The following PFKL variants were observed in gnomAD, a reference collection of about 807,000 sequenced individuals.
The protein encoded by PFKL is ATP-dependent 6-phosphofructokinase, liver type.
Under a neutral mutation model 92.1 loss-of-function variants are expected in PFKL, and 74 were observed. The ratio of observed to expected loss-of-function variants is 0.80; its 90% confidence interval spans 0.67 to 0.97. The LOEUF is 0.97. Ranked by LOEUF, PFKL falls within the 50% of genes least tolerant of loss-of-function variation. The pLI is 0.00. For synonymous variants in PFKL, 494 were observed against 456.4 expected, an observed-to-expected ratio of 1.08 and a Z score of -1.05; for missense variants, 1,028 against 1,116.6, an observed-to-expected ratio of 0.92 and a Z score of 1.13.
chr21:44,324,751 A>C, intron 17 of PFKL, 96 bp downstream of exon 17: 1 of 1,566,668 alleles, frequency 6.4e-7, no homozygotes. Flanking sequence ...GGGCCCGGGC[A>C]GGTGGGACGC....
At chr21:44,305,755 C>T in intron 1 of PFKL, 1 of 1,360,670 alleles carries the variant, frequency 7.3e-7, no homozygotes. Flanking sequence ...ACATTAGCAC[C>T]AGCGTTTCCT....
In PFKL at chr21:44,322,281, G is replaced by A. The variant is rs1389030696; in HGVS notation, c.1409+78G>A. On this transcript the variant is annotated intron_variant, in intron 14 of 21. Coordinates refer to ENST00000349048, the MANE Select transcript of PFKL (RefSeq NM_002626.6). The stretch of plus-strand genomic sequence containing the variant: ...CAGGCCCTGCAGGTGGGGGCGGCAA[G>A]GGGAACCCAGCCCGGGGCCCTGGGC... 8.7e-6 allele frequency: 12 copies of A among 1,385,644 alleles called. No homozygotes were observed. In the Admixed American group the frequency reaches 1.7e-4, roughly 20 times the overall value. The allele number at this position is 1,385,644 out of a possible 1,614,324, so 85.8% of individuals were successfully genotyped here.
chr21:44,314,130 A>G, intron 7 of PFKL, 109 bp downstream of exon 7: 2 of 747,924 alleles, frequency 2.7e-6, no homozygotes, highest in Non-Finnish European at 4.5e-6. Flanking sequence ...TCATGGGTTC[A>G]TCAGCAGCTG....
chr21:44,324,325 G>A, intron 16 of PFKL, 166 bp from the exon 17 acceptor site: 1 of 675,076 alleles, frequency 1.5e-6, no homozygotes, highest in East Asian at 2.7e-5. Context: ...CTGGTCCTGT[G>A]GGGCCCAGGT....
chr21:44,301,818 C>A (rs2071867257), intron 1 of PFKL, among the ~76,000 whole-genome samples: 1 of 152,192 alleles, frequency 6.6e-6, no homozygotes, highest in Admixed American at 6.5e-5. Context: ...AAAGTGGGAG[C>A]ATCAGCAGTG....
At chr21:44,321,649 G>C (rs1020879484) in intron 12 of PFKL, 80 bp from the exon 13 acceptor site, 54 of 1,414,734 alleles carry the variant, frequency 3.8e-5, no homozygotes, top group Non-Finnish European at 4.6e-5. Context: ...TCCAGAACCT[G>C]CCGGCCTGCT....
At position 44,306,220 on chromosome 21, in the gene PFKL, G is replaced by A. The variant is rs770869585; in HGVS notation, c.86-461G>A. ...AGGCCTGGCCCCGTGGCCTGTGAGTGTGGGGGCTCCGTGGCAGAGGTTGGG... is the reference window on the plus strand; with the variant it reads ...AGGCCTGGCCCCGTGGCCTGTGAGTATGGGGGCTCCGTGGCAGAGGTTGGG... On this transcript the variant is annotated intron_variant, in intron 1 of 21. Coordinates refer to ENST00000349048, the MANE Select transcript of PFKL (RefSeq NM_002626.6). Among the ~76,000 whole-genome samples, 3 of 145,368 alleles carry A rather than the reference G, an allele frequency of 2.1e-5. No homozygotes were observed. In the Admixed American group the frequency reaches 2.1e-4, roughly 10 times the overall value.
At chr21:44,315,530 C>G (rs959979333) in intron 7 of PFKL, 3 of 152,904 alleles carry the variant, frequency 2.0e-5, no homozygotes, top group African/African-American at 7.2e-5. Flanking sequence ...CTGTAGGAGG[C>G]ATTGTGGCCC....
At chr21:44,300,253 T>C (rs1886196106) in intron 1 of PFKL, 63 bp downstream of exon 1, 3 of 797,934 alleles carry the variant, frequency 3.8e-6, no homozygotes, top group East Asian at 2.0e-4. Flanking sequence ...CCCTGGCCTC[T>C]CCGGAGCGCC....
intron 9 of PFKL, among the ~76,000 whole-genome samples, chr21:44,317,230 G>A (rs2047232022): frequency 6.6e-6 from 1 of 152,236 alleles, no homozygotes; most frequent in Admixed American, 6.5e-5. Flanking sequence ...GAGACTGTCA[G>A]ACAGGTGGGA....
At chr21:44,309,725 C>T (rs1298686893) in intron 2 of PFKL, among the ~76,000 whole-genome samples, 3 of 152,184 alleles carry the variant, frequency 2.0e-5, no homozygotes, top group Non-Finnish European at 4.4e-5. Context: ...TTCCTGTTTT[C>T]CTTGTTCCTA....
In PFKL at chr21:44,314,125, G is replaced by C. The variant is rs1038201826; in HGVS notation, c.747+104G>C. ...TTGACCAACTCATCTATCACTCATGGGTTCATCAGCAGCTGCAGGTGCCCC... is the reference window on the plus strand; with the variant it reads ...TTGACCAACTCATCTATCACTCATGCGTTCATCAGCAGCTGCAGGTGCCCC... On this transcript the variant is annotated intron_variant, in intron 7 of 21. Coordinates refer to ENST00000349048, the MANE Select transcript of PFKL (RefSeq NM_002626.6). 3.1e-5 allele frequency: 24 copies of C among 772,278 alleles called. No individual in the cohort carries two copies. The East Asian group carries it at 6.4e-4, about 21-fold the overall frequency. The allele number at this position is 772,278 out of a possible 1,614,324, so 47.8% of individuals were successfully genotyped here.
chr21:44,324,671 C>G lies in PFKL; in HGVS notation c.1815+16C>G. ...CGACTTAAAGGTGAGCCCAGCCCAG[C>G]CCCTGCTGCGGCAGACCTGCCGGCA... On this transcript the variant is annotated intron_variant, in intron 17 of 21. Coordinates refer to ENST00000349048, the MANE Select transcript of PFKL (RefSeq NM_002626.6). The G allele has an allele frequency of 6.4e-7, 1 of 1,570,588 alleles. No homozygotes were observed. Among genetic ancestry groups the G allele is most frequent in the East Asian group, 2.3e-5 (1 of 44,434 alleles).
chr21:44,317,460 G>A (rs1268579683), intron 9 of PFKL, among the ~76,000 whole-genome samples: 3 of 152,224 alleles, frequency 2.0e-5, no homozygotes, highest in Non-Finnish European at 4.4e-5. Flanking sequence ...CCTCTTGAGG[G>A]GCCGGGGACA....
chr21:44,318,728 T>G, intron 10 of PFKL, 133 bp downstream of exon 10: 15 of 444,128 alleles, frequency 3.4e-5, no homozygotes, highest in Middle Eastern at 7.8e-4. Flanking sequence ...GCCCAGGGCA[T>G]CCCAGGTCTC....
intron 3 of PFKL, among the ~76,000 whole-genome samples, chr21:44,311,631 G>A (rs904936272): frequency 2.0e-5 from 3 of 152,202 alleles, no homozygotes; most frequent in African/African-American, 7.2e-5. Flanking sequence ...GGGTTGCCAG[G>A]GGCCAGGAGG....
chr21:44,319,783 T>C (rs2047311668), intron 11 of PFKL: 1 of 515,158 alleles, frequency 1.9e-6, no homozygotes, highest in Admixed American at 3.5e-5. Flanking sequence ...TCAGGCTGGA[T>C]TGGACGTCTG....
At chr21:44,305,789 T>C (rs1273136867) in intron 1 of PFKL, 1 of 1,366,490 alleles carries the variant, frequency 7.3e-7, no homozygotes, top group African/African-American at 1.5e-5. Context: ...CCCGTTAATG[T>C]CCCTCTCCAG....
At chr21:44,321,968 G>A in intron 13 of PFKL, 93 bp downstream of exon 13, 1 of 1,490,378 alleles carries the variant, frequency 6.7e-7, no homozygotes. Context: ...TGGAGGTGGA[G>A]GCTGAGACCT....
Sources: gnomAD v4.1 joint callset for allele counts (sites outside exome capture counted in the v4.1 genomes callset) on GRCh38, gnomAD v4.1.1 for gene constraint, MANE v1.5 for transcripts, NCBI Gene and HGNC (gene_info 2026-07-23, HGNC 2026-07-21) for gene names.